The following AKT3 variants were observed in gnomAD, a reference collection of about 807,000 sequenced individuals.
AKT3 encodes AKT serine/threonine kinase 3.
In AKT3, 15 loss-of-function variants were observed where a neutral mutation model predicts 65.3. That is an observed-to-expected ratio of 0.23 (90% CI 0.15 to 0.35). The LOEUF (loss-of-function observed/expected upper bound fraction) is 0.35, where lower values mean the gene tolerates loss of function less well. Ranked by LOEUF, AKT3 falls within the 10% of genes least tolerant of loss-of-function variation. AKT3 has a pLI of 1.00. For missense variants in AKT3, 243 were observed against 576.5 expected, an observed-to-expected ratio of 0.42 and a Z score of 5.92; for synonymous variants, 206 against 183.8, an observed-to-expected ratio of 1.12 and a Z score of -0.98.
intron 2 of AKT3, among the ~76,000 whole-genome samples, chr1:243,807,775 G>C (rs1692838861): frequency 6.6e-6 from 1 of 152,176 alleles, no homozygotes; most frequent in Non-Finnish European, 1.5e-5. Flanking sequence ...TAACTGGGAG[G>C]CAACCCCCAG....
chr1:243,491,634 C>G (rs902967516), intron 13 of AKT3, among the ~76,000 whole-genome samples: 5 of 152,178 alleles, frequency 3.3e-5, no homozygotes, highest in Non-Finnish European at 7.3e-5. Flanking sequence ...TCAGCCTCTG[C>G]GATGCCTTCT....
At chr1:243,580,011 A>T (rs1026523597) in intron 8 of AKT3, among the ~76,000 whole-genome samples, 1 of 152,224 alleles carries the variant, frequency 6.6e-6, no homozygotes, top group Non-Finnish European at 1.5e-5. Context: ...TTTTCTAAGC[A>T]TAAAAGAAAT....
chr1:243,821,296 A>C (rs1693837676), intron 2 of AKT3, among the ~76,000 whole-genome samples: 1 of 152,178 alleles, frequency 6.6e-6, no homozygotes, highest in Non-Finnish European at 1.5e-5. Context: ...CTAAATATGA[A>C]AAGGAAAAAC....
At chr1:243,792,130 C>T (rs538547071) in intron 2 of AKT3, among the ~76,000 whole-genome samples, 4 of 142,578 alleles carry the variant, frequency 2.8e-5, no homozygotes, top group Non-Finnish European at 4.6e-5. Flanking sequence ...TACTAGGGAA[C>T]GTTCACTGTT....
chr1:243,783,335 T>C (rs908245161), intron 2 of AKT3, among the ~76,000 whole-genome samples: 1 of 152,186 alleles, frequency 6.6e-6, no homozygotes, highest in South Asian at 2.1e-4. Flanking sequence ...TGTCTACACA[T>C]AAAAGCCAAA....
At chr1:243,519,318 G>C (rs1277610303) in intron 12 of AKT3, among the ~76,000 whole-genome samples, 1 of 152,150 alleles carries the variant, frequency 6.6e-6, no homozygotes, top group Non-Finnish European at 1.5e-5. Context: ...GACAAGAGCA[G>C]AACTTTCAAT....
chr1:243,844,348 T>C (rs939244234), intron 1 of AKT3, among the ~76,000 whole-genome samples: 1 of 152,156 alleles, frequency 6.6e-6, no homozygotes, highest in Admixed American at 6.5e-5. Flanking sequence ...AAAACTATAC[T>C]GCCTTAAGAT....
chr1:243,739,102 A>C (rs1343011298), intron 2 of AKT3, among the ~76,000 whole-genome samples: 3 of 152,264 alleles, frequency 2.0e-5, no homozygotes, highest in African/African-American at 7.2e-5. Flanking sequence ...CTAGATTCCT[A>C]TGAGAGCCTC....
intron 2 of AKT3, among the ~76,000 whole-genome samples, chr1:243,824,035 A>G (rs551169642): frequency 6.6e-6 from 1 of 152,354 alleles, no homozygotes; most frequent in East Asian, 1.9e-4. Context: ...AAACCATAAC[A>G]GCATGGTACT....
chr1:243,572,326 G>C (rs1239824081), intron 9 of AKT3, among the ~76,000 whole-genome samples: 1 of 152,116 alleles, frequency 6.6e-6, no homozygotes, highest in Non-Finnish European at 1.5e-5. Context: ...GTTTACAAAA[G>C]AGACTATACA....
At chr1:243,834,855 C>T (rs1174911577) in intron 2 of AKT3, among the ~76,000 whole-genome samples, 2 of 151,898 alleles carry the variant, frequency 1.3e-5, no homozygotes, top group Non-Finnish European at 1.5e-5. Flanking sequence ...AATGACCATA[C>T]TTTTCCTGCT....
chr1:243,713,747 A>AAT (rs1491483550), intron 2 of AKT3, among the ~76,000 whole-genome samples: 56 of 7,120 alleles, frequency 7.9e-3, no homozygotes, highest in African/African-American at 0.026. Flanking sequence ...TTGCCTTAAT[A>AAT]AAAAAAAAAA....
chr1:243,640,362 G>A (rs1481169608), intron 5 of AKT3, among the ~76,000 whole-genome samples: 1 of 152,170 alleles, frequency 6.6e-6, no homozygotes, highest in Non-Finnish European at 1.5e-5. Flanking sequence ...CTCCCTGTAT[G>A]CACATTCCAC....
At chr1:243,591,443 C>A (rs1208991866) in intron 8 of AKT3, among the ~76,000 whole-genome samples, 1 of 152,056 alleles carries the variant, frequency 6.6e-6, no homozygotes, top group East Asian at 1.9e-4. Context: ...AAGAATAATG[C>A]CTAAATATAT....
intron 2 of AKT3, among the ~76,000 whole-genome samples, chr1:243,831,111 G>C (rs1694481773): frequency 6.6e-6 from 1 of 152,106 alleles, no homozygotes; most frequent in Admixed American, 6.6e-5. Context: ...GTGACATACT[G>C]TTATCTGAAC....
intron 6 of AKT3, among the ~76,000 whole-genome samples, chr1:243,616,729 C>T (rs1166435144): frequency 1.3e-5 from 2 of 151,986 alleles, no homozygotes; most frequent in Admixed American, 6.6e-5. Context: ...ACCTTAAACT[C>T]GAAAGATAAT....
intron 12 of AKT3, among the ~76,000 whole-genome samples, chr1:243,527,870 AACACACACACACACACACACACAC>A (rs56956606): frequency 7.8e-4 from 77 of 99,246 alleles, no homozygotes; most frequent in South Asian, 2.3e-3. Context: ...CATCTCTTAA[AACACACACACACACACACACACAC>A]ACACACACAC....
At chr1:243,846,413 A>AAATCTTT (rs1695525636) in intron 1 of AKT3, among the ~76,000 whole-genome samples, 1 of 152,202 alleles carries the variant, frequency 6.6e-6, no homozygotes, top group Admixed American at 6.5e-5. Context: ...TTCTTCTAGT[A>AAATCTTT]AATCTTTTTA....
At chr1:243,514,199 C>T (rs994460320) in intron 12 of AKT3, among the ~76,000 whole-genome samples, 53 of 152,112 alleles carry the variant, frequency 3.5e-4, no homozygotes, top group African/African-American at 1.2e-3. Flanking sequence ...TTCTCTTGGG[C>T]ACTAGGAGTA....
Sources: gnomAD v4.1 joint callset for allele counts (sites outside exome capture counted in the v4.1 genomes callset) on GRCh38, gnomAD v4.1.1 for gene constraint, MANE v1.5 for transcripts, NCBI Gene and HGNC (gene_info 2026-07-23, HGNC 2026-07-21) for gene names.